Variants in TARS3 observed in about 807,000 individuals in gnomAD.
TARS3 encodes threonine--tRNA ligase 2, cytoplasmic.
TARS3 carries 94 observed loss-of-function variants against 103.5 expected under a neutral mutation model. That is an observed-to-expected ratio of 0.91 (90% CI 0.77 to 1.08). The LOEUF (loss-of-function observed/expected upper bound fraction) is 1.08. Among genes scored for constraint, TARS3 ranks in the 50% least tolerant of loss-of-function variants. The pLI is 0.00. For missense variants in TARS3, 952 were observed against 995.2 expected (o/e 0.96, Z 0.58); for synonymous variants, 416 against 355.4 (o/e 1.17, Z -1.92).
intron 10 of TARS3, among the ~76,000 whole-genome samples, chr15:101,690,789 T>C (rs1898681100): frequency 6.6e-6 from 1 of 152,234 alleles, no homozygotes; most frequent in South Asian, 2.1e-4. Context: ...TAATTGTATA[T>C]TTTAGATTCC....
At chr15:101,707,700 C>T (rs1010563989) in intron 6 of TARS3, among the ~76,000 whole-genome samples, 15 of 144,910 alleles carry the variant, frequency 1.0e-4, no homozygotes, top group African/African-American at 3.0e-4. Context: ...GGGGGCAGGG[C>T]GGGAATGGGG....
In TARS3 at chr15:101,699,662, T is replaced by G. The variant is rs62027616; in HGVS notation, c.1320+1424A>C. Reference sequence around the variant, plus strand: ...AAGTCTCTTCCACTGCCCTCTGATCTCCTACCATTGCCTCGCATTGGCCAG... The same window carrying G: ...AAGTCTCTTCCACTGCCCTCTGATCGCCTACCATTGCCTCGCATTGGCCAG... On this transcript the variant is annotated intron_variant, in intron 10 of 18. Coordinates refer to ENST00000335968, the MANE Select transcript of TARS3 (RefSeq NM_152334.3). Among the ~76,000 whole-genome samples the G allele has an allele frequency of 9.0e-3, 1,369 of 152,242 alleles. 14 individuals are homozygous for G. Among genetic ancestry groups the G allele is most frequent in the Non-Finnish European group, 0.016 (1,063 of 68,006 alleles).
chr15:101,680,960 CTTAA>C (rs927996257), intron 12 of TARS3, among the ~76,000 whole-genome samples: 1 of 152,072 alleles, frequency 6.6e-6, no homozygotes, highest in Non-Finnish European at 1.5e-5. Context: ...TGTGATTCAT[CTTAA>C]TTTTTTCATA....
intron 5 of TARS3, 88 bp downstream of exon 5, chr15:101,711,792 A>C: frequency 6.7e-7 from 1 of 1,482,610 alleles, no homozygotes. Flanking sequence ...AAGGGCCAGC[A>C]GTATACAGTT....
rs141343502 is a variant in TARS3, at chr15:101,686,057, T to C, written c.1326A>G (p.Glu442=). 1.6e-5 allele frequency: 26 copies of C among 1,604,606 alleles called. No homozygotes were observed. In the African/African-American group the frequency reaches 2.7e-4, roughly 17 times the overall value. The change falls in exon 11 of 19, where the codon GAA becomes GAG. Residue 442 remains glutamate, a synonymous_variant. Coordinates refer to ENST00000335968, the MANE Select transcript of TARS3 (RefSeq NM_152334.3). ...YNTLTDFIRE[E]YHKRDFTEVL... is the part of the protein sequence containing the mutation. ...CCTCCGTGAAGTCCCGTTTGTGATATTCCTCCTTCAAGATACATGCATTCA... is the reference window on the plus strand; with the variant it reads ...CCTCCGTGAAGTCCCGTTTGTGATACTCCTCCTTCAAGATACATGCATTCA...
chr15:101,680,441 C>CA (rs1421175479), intron 12 of TARS3, among the ~76,000 whole-genome samples: 1 of 152,136 alleles, frequency 6.6e-6, no homozygotes, highest in Non-Finnish European at 1.5e-5. Context: ...CAAAACAAAA[C>CA]AAAAACACCT....
At chr15:101,696,946 A>G (rs1899010848) in intron 10 of TARS3, among the ~76,000 whole-genome samples, 1 of 152,182 alleles carries the variant, frequency 6.6e-6, no homozygotes, top group African/African-American at 2.4e-5. Context: ...TTGGTTATAC[A>G]GCCTAATTTA....
chr15:101,723,004 T>C, intron 2 of TARS3, 89 bp downstream of exon 2: 1 of 1,237,918 alleles, frequency 8.1e-7, no homozygotes, highest in Non-Finnish European at 1.2e-6. Context: ...TAATCAGTAA[T>C]TTTTATTGGA....
chr15:101,670,776 T>C (rs185663838), intron 15 of TARS3, among the ~76,000 whole-genome samples: 48 of 152,016 alleles, frequency 3.2e-4, no homozygotes, highest in Admixed American at 2.5e-3. Flanking sequence ...CAATGAGAGA[T>C]TGGATCCACA....
intron 3 of TARS3, among the ~76,000 whole-genome samples, chr15:101,720,804 G>A (rs1596332892): frequency 6.6e-6 from 1 of 152,138 alleles, no homozygotes; most frequent in East Asian, 1.9e-4. Flanking sequence ...TTCTTTGATA[G>A]TGAGTGCATT....
intron 6 of TARS3, 150 bp from the exon 7 acceptor site, chr15:101,705,897 G>A (rs1457220235): frequency 3.4e-5 from 23 of 681,956 alleles, no homozygotes; most frequent in Non-Finnish European, 4.6e-5. Flanking sequence ...AGCCTTGAGC[G>A]ACACCGTGCA....
intron 10 of TARS3, chr15:101,699,277 T>G (rs1051999596): frequency 8.4e-6 from 3 of 357,484 alleles, no homozygotes; most frequent in African/African-American, 6.5e-5. Flanking sequence ...CGCCTGTGTC[T>G]GTCAAATATT....
intron 10 of TARS3, among the ~76,000 whole-genome samples, chr15:101,693,083 G>A (rs1307757123): frequency 6.6e-6 from 1 of 152,192 alleles, no homozygotes; most frequent in Non-Finnish European, 1.5e-5. Flanking sequence ...CTTTACAAAA[G>A]CAACCCTCAT....
At chr15:101,686,188 C>A in intron 10 of TARS3, 126 bp from the exon 11 acceptor site, 1 of 804,056 alleles carries the variant, frequency 1.2e-6, no homozygotes, top group East Asian at 2.6e-5. Context: ...ATTAATGTAC[C>A]CTCAGTTTTA....
chr15:101,694,288 C>T (rs1181831196), intron 10 of TARS3, among the ~76,000 whole-genome samples: 1 of 152,200 alleles, frequency 6.6e-6, no homozygotes, highest in African/African-American at 2.4e-5. Context: ...CCATCCTGGC[C>T]TCCTACATCC....
intron 10 of TARS3, among the ~76,000 whole-genome samples, chr15:101,698,205 G>A (rs980619056): frequency 3.3e-5 from 5 of 152,114 alleles, no homozygotes; most frequent in African/African-American, 1.2e-4. Flanking sequence ...GGTGGCAGGC[G>A]CCTGTGGTCC....
At chr15:101,710,438 C>T (rs1899804026) in intron 5 of TARS3, among the ~76,000 whole-genome samples, 1 of 152,198 alleles carries the variant, frequency 6.6e-6, no homozygotes. Flanking sequence ...GCCCAGACTT[C>T]CAGCTGGCAT....
chr15:101,675,630 T>C lies in TARS3; in HGVS notation c.1758A>G (p.Gly586=). The change falls in exon 13 of 19, where the codon GGA becomes GGG. Residue 586 remains glycine, a synonymous_variant. Coordinates refer to ENST00000335968, the MANE Select transcript of TARS3 (RefSeq NM_152334.3). ...CAGCCTCATTCCACATCTCAATCTCTCCTAGGAAGTTTTCCGGCCTTGTTG... is the reference window on the plus strand; with the variant it reads ...CAGCCTCATTCCACATCTCAATCTCCCCTAGGAAGTTTTCCGGCCTTGTTG... ...NLSTRPENFL[G]EIEMWNEAEK... is the part of the protein sequence containing the mutation. 6.2e-7 allele frequency: 1 copy of C among 1,613,972 alleles called. No individual in the cohort carries two copies. The highest frequency in any genetic ancestry group is 1.1e-5 in the South Asian group (1 of 91,060).
In TARS3 at chr15:101,657,444, G is replaced by A. The variant is rs149108782; in HGVS notation, c.2145+341C>T. ...CTGAGCTGCTCCCAGACCCTGACTCGTAGGAACTGTGAGATCATCAATGTT... is the reference window on the plus strand; with the variant it reads ...CTGAGCTGCTCCCAGACCCTGACTCATAGGAACTGTGAGATCATCAATGTT... On this transcript the variant is annotated intron_variant, in intron 17 of 18. Transcript: ENST00000335968. Among the ~76,000 whole-genome samples, 8 of 152,346 alleles carry A rather than the reference G, an allele frequency of 5.3e-5. No homozygotes were observed. The East Asian group carries it at 1.3e-3, about 26-fold the overall frequency.
Sources: allele counts gnomAD v4.1 joint callset (sites outside exome capture counted in the v4.1 genomes callset), GRCh38; gene constraint gnomAD v4.1.1; transcripts MANE v1.5; gene names NCBI Gene and HGNC (gene_info 2026-07-23, HGNC 2026-07-21).